The following PLCB1 variants were observed in gnomAD, a reference collection of about 807,000 sequenced individuals.
The protein encoded by PLCB1 is 1-phosphatidylinositol 4,5-bisphosphate phosphodiesterase beta-1.
A neutral mutation model predicts 161.8 loss-of-function variants in PLCB1; 46 were observed. The observed-to-expected ratio is 0.28, with a 90% CI of 0.22 to 0.36. The LOEUF is 0.36. Among genes scored for constraint, PLCB1 ranks in the 10% least tolerant of loss-of-function variants. The probability of loss-of-function intolerance (pLI) is 1.00; values close to 1 mark genes in which losing one functional copy is unlikely to be tolerated. For missense variants in PLCB1, 1,016 were observed against 1,472.5 expected, an observed-to-expected ratio of 0.69 and a Z score of 5.07; for synonymous variants, 517 against 503.7, an observed-to-expected ratio of 1.03 and a Z score of -0.35.
At chr20:8,364,247 A>G (rs1986635803) in intron 2 of PLCB1, among the ~76,000 whole-genome samples, 1 of 152,212 alleles carries the variant, frequency 6.6e-6, no homozygotes, top group Non-Finnish European at 1.5e-5. Flanking sequence ...TGAAGGAAGC[A>G]AGGAAATAAA....
chr20:8,664,145 T>C (rs1989753140), intron 9 of PLCB1, among the ~76,000 whole-genome samples: 2 of 152,180 alleles, frequency 1.3e-5, no homozygotes, highest in Non-Finnish European at 2.9e-5. Flanking sequence ...TGAATTAATG[T>C]AGCAGATTAT....
Position 8,655,219 on chromosome 20 carries a change from C to T in PLCB1, c.595-1965C>T, listed in dbSNP as rs141960462. Among the ~76,000 whole-genome samples the T allele has an allele frequency of 3.7e-4, 57 of 152,218 alleles. No homozygotes were observed. In the East Asian group the frequency reaches 8.9e-3, roughly 24 times the overall value. On this transcript the variant is annotated intron_variant, in intron 7 of 31. Transcript: ENST00000338037. ...ATCAAATTATGTGTCAGGACTCTTA[C>T]GTAAATGATGTTAGTTAAATTTGAT... is the stretch of plus-strand genomic sequence containing the variant.
chr20:8,808,320 C>T (rs1984642213), intron 31 of PLCB1, among the ~76,000 whole-genome samples: 1 of 152,114 alleles, frequency 6.6e-6, no homozygotes, highest in Non-Finnish European at 1.5e-5. Context: ...TGGCTTTTTG[C>T]CATGTCCTCA....
chr20:8,756,321 G>A (rs1981735692), intron 23 of PLCB1, among the ~76,000 whole-genome samples: 1 of 152,178 alleles, frequency 6.6e-6, no homozygotes, highest in African/African-American at 2.4e-5. Flanking sequence ...AGAGAGTTAA[G>A]TGAACTGCCC....
At chr20:8,234,265 G>T (rs1202873448) in intron 2 of PLCB1, among the ~76,000 whole-genome samples, 1 of 152,040 alleles carries the variant, frequency 6.6e-6, no homozygotes, top group African/African-American at 2.4e-5. Flanking sequence ...TGAGTTTTGA[G>T]GAGCATGCAG....
At chr20:8,460,099 A>C (rs964493745) in intron 3 of PLCB1, among the ~76,000 whole-genome samples, 8 of 152,218 alleles carry the variant, frequency 5.3e-5, no homozygotes, top group Non-Finnish European at 1.2e-4. Flanking sequence ...AAATGATTCT[A>C]CTAAACTCTA....
chr20:8,881,543 C>T, intron 31 of PLCB1, 79 bp from the exon 32 acceptor site: 1 of 1,027,284 alleles, frequency 9.7e-7, no homozygotes. Context: ...TTTTGTATAT[C>T]TCTTTCAGAG....
At chr20:8,621,915 G>T (rs1303794873) in intron 3 of PLCB1, among the ~76,000 whole-genome samples, 1 of 152,198 alleles carries the variant, frequency 6.6e-6, no homozygotes. Flanking sequence ...GGTGGAAGAA[G>T]ATACAGAACA....
chr20:8,850,919 C>G (rs1176808643), intron 31 of PLCB1, among the ~76,000 whole-genome samples: 1 of 152,188 alleles, frequency 6.6e-6, no homozygotes, highest in Non-Finnish European at 1.5e-5. Flanking sequence ...CTATTCCAAC[C>G]AAAATCTTTA....
chr20:8,399,257 A>T (rs1850736638), intron 3 of PLCB1, among the ~76,000 whole-genome samples: 1 of 151,856 alleles, frequency 6.6e-6, no homozygotes, highest in African/African-American at 2.4e-5. Flanking sequence ...CCTGGTATCT[A>T]GGTGTTCCAA....
intron 3 of PLCB1, among the ~76,000 whole-genome samples, chr20:8,540,315 C>T (rs1170391620): frequency 1.3e-5 from 2 of 151,940 alleles, no homozygotes; most frequent in Admixed American, 6.6e-5. Flanking sequence ...CTTTTTTTTA[C>T]TTTTCTGACG....
chr20:8,164,641 A>G (rs557518246), intron 2 of PLCB1, among the ~76,000 whole-genome samples: 1 of 152,294 alleles, frequency 6.6e-6, no homozygotes, highest in East Asian at 1.9e-4. Context: ...CTTGTGGGGA[A>G]AGAAACTTTC....
chr20:8,489,693 G>A (rs543903057), intron 3 of PLCB1, among the ~76,000 whole-genome samples: 3 of 152,266 alleles, frequency 2.0e-5, no homozygotes, highest in African/African-American at 7.2e-5. Context: ...GTGGCCTAAG[G>A]TCAGCCAGAG....
chr20:8,818,099 A>G (rs1253722609), intron 31 of PLCB1, among the ~76,000 whole-genome samples: 1 of 152,214 alleles, frequency 6.6e-6, no homozygotes, highest in African/African-American at 2.4e-5. Context: ...GCAAATAGGT[A>G]CAGGAGATTA....
At chr20:8,466,575 T>A (rs974312910) in intron 3 of PLCB1, among the ~76,000 whole-genome samples, 1 of 152,074 alleles carries the variant, frequency 6.6e-6, no homozygotes, top group African/African-American at 2.4e-5. Context: ...CACAACAAAA[T>A]ACTAACAATT....
At chr20:8,655,570 C>T (rs979891101) in intron 7 of PLCB1, among the ~76,000 whole-genome samples, 4 of 151,790 alleles carry the variant, frequency 2.6e-5, no homozygotes, top group East Asian at 1.9e-4. Context: ...TATAAATAGA[C>T]GGGAAGGAAA....
chr20:8,417,026 T>TACACAC (rs5840263), intron 3 of PLCB1, among the ~76,000 whole-genome samples: 3 of 66,560 alleles, frequency 4.5e-5, no homozygotes, highest in African/African-American at 1.7e-4. Flanking sequence ...TATATGTGTA[T>TACACAC]ACACACACAC....
At chr20:8,228,838 C>T (rs990598480) in intron 2 of PLCB1, among the ~76,000 whole-genome samples, 1 of 152,050 alleles carries the variant, frequency 6.6e-6, no homozygotes, top group African/African-American at 2.4e-5. Flanking sequence ...GTCTAGTGAT[C>T]AAATCAGGGT....
At chr20:8,419,420 T>C (rs11906489) in intron 3 of PLCB1, among the ~76,000 whole-genome samples, 4,232 of 152,096 alleles carry the variant, frequency 0.028, 192 homozygotes, top group African/African-American at 0.095. Context: ...GTTTGTGTTA[T>C]GATTTTTTTT....
Sources: allele counts gnomAD v4.1 joint callset (sites outside exome capture counted in the v4.1 genomes callset), GRCh38; gene constraint gnomAD v4.1.1; transcripts MANE v1.5; gene names NCBI Gene and HGNC (gene_info 2026-07-23, HGNC 2026-07-21).